Variants in CSMD2 observed in about 807,000 individuals in gnomAD.
The protein encoded by CSMD2 is CUB and sushi domain-containing protein 2.
CSMD2 carries 130 observed loss-of-function variants against 398.5 expected under a neutral mutation model. That is an observed-to-expected ratio of 0.33 (90% CI 0.28 to 0.38). The LOEUF is 0.38. CSMD2 is among the 10% of genes least tolerant of loss of function. The pLI is 1.00. For missense variants in CSMD2, 3,829 were observed against 4,764.9 expected (o/e 0.80, Z 5.78); for synonymous variants, 1,828 against 1,908.5 (o/e 0.96, Z 1.10).
intron 13 of CSMD2, among the ~76,000 whole-genome samples, chr1:33,755,099 T>A (rs2149283483): frequency 6.6e-6 from 1 of 152,136 alleles, no homozygotes; most frequent in East Asian, 1.9e-4. Flanking sequence ...TTGGGTGATT[T>A]TATCCAGCAA....
chr1:34,074,096 G>A lies in CSMD2; in HGVS notation c.404+14881C>T, dbSNP rs149759341. On this transcript the variant is annotated intron_variant, in intron 2 of 70. Transcript: ENST00000373381. ...GGTGATAACCATTCATGAGAAATCC[G>A]CCCTATGATCCAATTACTACCCACC... 5.9e-3 allele frequency among the ~76,000 whole-genome samples: 898 copies of A among 152,200 alleles called. 7 individuals carry two copies. The highest frequency in any genetic ancestry group is 0.02 in the African/African-American group (849 of 41,544).
chr1:34,063,448 G>C (rs980975140), intron 2 of CSMD2, among the ~76,000 whole-genome samples: 1 of 152,184 alleles, frequency 6.6e-6, no homozygotes, highest in Non-Finnish European at 1.5e-5. Context: ...GGGAGAAATT[G>C]GCCAAAACAA....
intron 37 of CSMD2, among the ~76,000 whole-genome samples, chr1:33,620,193 T>C (rs146022088): frequency 1.9e-4 from 29 of 152,378 alleles, no homozygotes; most frequent in African/African-American, 7.0e-4. Flanking sequence ...TTTGAAAGCA[T>C]ATTGCTCCAT....
chr1:33,579,612 T>C (rs903450992), intron 48 of CSMD2, among the ~76,000 whole-genome samples: 1 of 152,082 alleles, frequency 6.6e-6, no homozygotes, highest in African/African-American at 2.4e-5. Flanking sequence ...TGAGAAGAGA[T>C]GGACTGTGGC....
intron 41 of CSMD2, among the ~76,000 whole-genome samples, chr1:33,607,273 AAAG>A (rs1640677895): frequency 6.6e-6 from 1 of 152,184 alleles, no homozygotes; most frequent in Non-Finnish European, 1.5e-5. Context: ...ATCTTTACTT[AAAG>A]AAGAGAAAAG....
chr1:33,547,168 T>C (rs552266507), intron 56 of CSMD2, among the ~76,000 whole-genome samples: 1 of 152,330 alleles, frequency 6.6e-6, no homozygotes, highest in Non-Finnish European at 1.5e-5. Flanking sequence ...GCTACATTCC[T>C]ACATTTCTCT....
intron 13 of CSMD2, among the ~76,000 whole-genome samples, chr1:33,770,285 C>T (rs528486784): frequency 6.6e-6 from 1 of 152,352 alleles, no homozygotes; most frequent in Non-Finnish European, 1.5e-5. Flanking sequence ...AGCCACAAAG[C>T]TGAGCTAGAA....
chr1:33,995,625 T>C (rs116378889), intron 3 of CSMD2, among the ~76,000 whole-genome samples: 2,236 of 152,264 alleles, frequency 0.015, 54 homozygotes, highest in African/African-American at 0.051. Context: ...CAGAAAAACA[T>C]GGCAGCTATC....
chr1:33,710,691 G>A (rs1483254291), intron 21 of CSMD2, among the ~76,000 whole-genome samples: 1 of 152,212 alleles, frequency 6.6e-6, no homozygotes, highest in Non-Finnish European at 1.5e-5. Flanking sequence ...GGGCCTTATA[G>A]TTAACCCTAA....
chr1:33,572,805 G>A, intron 49 of CSMD2, 114 bp from the exon 50 acceptor site: 1 of 746,380 alleles, frequency 1.3e-6, no homozygotes, highest in Non-Finnish European at 2.0e-6. Flanking sequence ...CTAATTAAAG[G>A]GTAAAGTATC....
At chr1:33,832,855 A>G (rs1659762380) in intron 6 of CSMD2, among the ~76,000 whole-genome samples, 1 of 152,216 alleles carries the variant, frequency 6.6e-6, no homozygotes, top group East Asian at 1.9e-4. Flanking sequence ...AACTACCATC[A>G]GAGAATACTA....
At chr1:33,548,341 C>G (rs1255780223) in intron 56 of CSMD2, among the ~76,000 whole-genome samples, 1 of 152,148 alleles carries the variant, frequency 6.6e-6, no homozygotes, top group Non-Finnish European at 1.5e-5. Flanking sequence ...GATATTGCAC[C>G]ATGGGGGCAG....
chr1:33,963,384 T>A (rs1440855221), intron 3 of CSMD2, among the ~76,000 whole-genome samples: 3 of 152,266 alleles, frequency 2.0e-5, no homozygotes, highest in Non-Finnish European at 4.4e-5. Context: ...GTTGAGGTTA[T>A]AATTGGCATA....
rs573950335 is a variant in CSMD2 at position 34,164,033 on chromosome 1, C to A, written c.187+878G>T. Among the ~76,000 whole-genome samples, 26 of 152,252 alleles carry A rather than the reference C, an allele frequency of 1.7e-4. No homozygotes were observed. In the East Asian group the frequency reaches 4.7e-3, roughly 27 times the overall value. On this transcript the variant is annotated intron_variant, in intron 1 of 70. Transcript: ENST00000373381. This position sits in a 1 kb window ranked among gnomAD's most constrained non-coding sequence, Gnocchi z 6.2. ...CCCGCTAGATCTGCCCCTTCCCGGA[C>A]TCGGTCGTCGGGAGCTGGTCCCGCC...
chr1:33,635,724 A>G lies in CSMD2; in HGVS notation c.4970-394T>C, dbSNP rs972276192. Among the ~76,000 whole-genome samples the G allele has an allele frequency of 2.6e-5, 4 of 152,166 alleles. No homozygotes were observed. Among genetic ancestry groups the G allele is most frequent in the African/African-American group, 9.7e-5 (4 of 41,428 alleles). The stretch of plus-strand genomic sequence containing the variant: ...CTGGACAGTGAGTGTCAGTGTGAAT[A>G]GGGAGCTGAAGCTTCCCCGGACTAA... On this transcript the variant is annotated intron_variant, in intron 30 of 70. Transcript: ENST00000373381. The surrounding 1 kb of genome is among the most constrained non-coding windows in gnomAD (Gnocchi z 5.0).
intron 25 of CSMD2, 142 bp downstream of exon 25, chr1:33,692,788 C>A (rs1200857166): frequency 3.6e-5 from 37 of 1,037,126 alleles, no homozygotes; most frequent in South Asian, 2.1e-4. Context: ...TCTAAGGCAT[C>A]CAGTATAGCA....
chr1:33,574,014 A>G (rs1311509726), intron 49 of CSMD2, among the ~76,000 whole-genome samples: 1 of 152,220 alleles, frequency 6.6e-6, no homozygotes, highest in African/African-American at 2.4e-5. Context: ...AAAGCTTTAA[A>G]CCTCTGAAGA....
rs762294387 is a variant in CSMD2 at position 33,792,508 on chromosome 1, C to T, written c.1465G>A (p.Glu489Lys). The T allele has an allele frequency of 1.7e-5, 28 of 1,613,836 alleles. No individual in the cohort carries two copies. Among genetic ancestry groups the T allele is most frequent in the Non-Finnish European group, 2.3e-5 (27 of 1,179,856 alleles). ...NPSKVIKLAF[E>K]EFDLERGYDT... ...TAGCCCCTCTCCAAATCAAACTCCT[C>T]AAAGGCGAGCTTGATCACCTAGGGA... is the stretch of plus-strand genomic sequence containing the variant. The change falls in exon 11 of 71, where the codon GAG becomes AAG. Residue 489 changes from glutamate (E) to lysine (K), a missense_variant. Physicochemically the swap from Glu to Lys is moderately conservative, Grantham distance 56. Coordinates refer to ENST00000373381, the MANE Select transcript of CSMD2 (RefSeq NM_001281956.2).
At position 34,118,654 on chromosome 1, in the gene CSMD2, C is replaced by T. The variant is rs904707881; in HGVS notation, c.188-29461G>A. ...GATTTGTTTTGTTTTTTATCTTTCT[C>T]CTCATCTTGTCTTTCATTTACAATG... is the stretch of plus-strand genomic sequence containing the variant. On this transcript the variant is annotated intron_variant, in intron 1 of 70. Transcript: ENST00000373381. Among the ~76,000 whole-genome samples, 27 of 152,132 alleles carry T rather than the reference C, an allele frequency of 1.8e-4. 1 individual carries two copies. The highest frequency in any genetic ancestry group is 6.3e-4 in the African/African-American group (26 of 41,428).
Sources: allele counts gnomAD v4.1 joint callset (sites outside exome capture counted in the v4.1 genomes callset), GRCh38; gene constraint gnomAD v4.1.1; non-coding constraint Gnocchi (gnomAD v3.1); transcripts MANE v1.5; gene names NCBI Gene and HGNC (gene_info 2026-07-23, HGNC 2026-07-21).